Variants in CSMD3 observed in about 807,000 individuals in gnomAD.
The protein encoded by CSMD3 is CUB and sushi domain-containing protein 3.
Under a neutral mutation model 435.2 loss-of-function variants are expected in CSMD3, and 177 were observed. The observed-to-expected ratio is 0.41, with a 90% CI of 0.36 to 0.46. The LOEUF (loss-of-function observed/expected upper bound fraction) is 0.46, where lower values mean the gene tolerates loss of function less well. CSMD3 is among the 20% of genes least tolerant of loss of function. CSMD3 has a pLI of 0.34. For synonymous variants in CSMD3, 1,656 were observed against 1,520.5 expected, an observed-to-expected ratio of 1.09 and a Z score of -2.07; for missense variants, 4,265 against 4,504.6, an observed-to-expected ratio of 0.95 and a Z score of 1.52.
chr8:113,183,346 C>T (rs2092450531), intron 3 of CSMD3, among the ~76,000 whole-genome samples: 1 of 151,952 alleles, frequency 6.6e-6, no homozygotes, highest in Non-Finnish European at 1.5e-5. Flanking sequence ...TAAAACCACC[C>T]CTGAAAACTT....
chr8:112,479,397 T>G (rs572839841), intron 31 of CSMD3, among the ~76,000 whole-genome samples: 1 of 152,216 alleles, frequency 6.6e-6, no homozygotes, highest in Non-Finnish European at 1.5e-5. Context: ...AGCAATCACT[T>G]GCTAGAGAAA....
At chr8:112,483,548 G>T (rs937768167) in intron 31 of CSMD3, among the ~76,000 whole-genome samples, 1 of 152,146 alleles carries the variant, frequency 6.6e-6, no homozygotes, top group African/African-American at 2.4e-5. Flanking sequence ...TACTGACTGA[G>T]TAGCCTTAGG....
chr8:113,015,943 T>G (rs2086440674), intron 6 of CSMD3, among the ~76,000 whole-genome samples: 1 of 151,990 alleles, frequency 6.6e-6, no homozygotes, highest in East Asian at 1.9e-4. Flanking sequence ...AGGTGAGAAG[T>G]AGCACAATCC....
chr8:112,240,288 T>G (rs1813995009), intron 66 of CSMD3, among the ~76,000 whole-genome samples: 1 of 152,092 alleles, frequency 6.6e-6, no homozygotes, highest in Non-Finnish European at 1.5e-5. Flanking sequence ...AGCAATTTTT[T>G]TACAGATTTG....
intron 13 of CSMD3, among the ~76,000 whole-genome samples, chr8:112,752,623 T>G (rs1449169333): frequency 6.6e-6 from 1 of 152,116 alleles, no homozygotes; most frequent in African/African-American, 2.4e-5. Flanking sequence ...GTCTTAAATA[T>G]TCATTCTGAA....
rs16884129 is a variant in CSMD3 at position 112,818,499 on chromosome 8, G to C, written c.1859+11187C>G. Among the ~76,000 whole-genome samples, 980 of 152,286 alleles carry C rather than the reference G, an allele frequency of 6.4e-3. 19 individuals carry two copies. In the East Asian group the frequency reaches 0.075, roughly 12 times the overall value. ...AAAGCAAAAAGGAATTCACAGACAA[G>C]TAAAGAGATTGCTGAATAAAATGTC... is the stretch of plus-strand genomic sequence containing the variant. On this transcript the variant is annotated intron_variant, in intron 12 of 70. Transcript: ENST00000297405.
At chr8:112,317,417 A>G (rs1822576365) in intron 47 of CSMD3, among the ~76,000 whole-genome samples, 1 of 152,038 alleles carries the variant, frequency 6.6e-6, no homozygotes, top group African/African-American at 2.4e-5. Flanking sequence ...AAATGCTGTT[A>G]TGTAATTGGC....
chr8:112,355,364 C>A (rs947433752), intron 38 of CSMD3, among the ~76,000 whole-genome samples: 4 of 152,122 alleles, frequency 2.6e-5, no homozygotes, highest in Non-Finnish European at 4.4e-5. Flanking sequence ...CCTAATTAAA[C>A]TACAGAGTTT....
At chr8:112,338,562 G>A (rs1260000609) in intron 42 of CSMD3, among the ~76,000 whole-genome samples, 1 of 151,962 alleles carries the variant, frequency 6.6e-6, no homozygotes, top group Admixed American at 6.6e-5. Flanking sequence ...GAAAATCAAA[G>A]ACTACTTCTC....
chr8:112,598,680 A>T (rs1832006254), intron 22 of CSMD3, among the ~76,000 whole-genome samples: 1 of 149,764 alleles, frequency 6.7e-6, no homozygotes, highest in Non-Finnish European at 1.5e-5. Context: ...GATATAGATC[A>T]ATGGAACAGA....
At chr8:112,279,226 T>C (rs1818393760) in intron 59 of CSMD3, among the ~76,000 whole-genome samples, 1 of 152,214 alleles carries the variant, frequency 6.6e-6, no homozygotes, top group Admixed American at 6.5e-5. Flanking sequence ...TTCTGATATG[T>C]AGTACTTGAA....
chr8:113,108,714 T>A (rs1349304052), intron 4 of CSMD3, among the ~76,000 whole-genome samples: 1 of 152,116 alleles, frequency 6.6e-6, no homozygotes, highest in Non-Finnish European at 1.5e-5. Context: ...ATTTTTAAAA[T>A]ACCATTTTTA....
At chr8:112,990,658 A>G (rs955148178) in intron 6 of CSMD3, among the ~76,000 whole-genome samples, 7 of 151,982 alleles carry the variant, frequency 4.6e-5, no homozygotes, top group African/African-American at 1.7e-4. Flanking sequence ...GTTAGTTTCT[A>G]GGAATTAAAG....
intron 13 of CSMD3, among the ~76,000 whole-genome samples, chr8:112,699,201 A>G (rs911174630): frequency 6.6e-6 from 1 of 152,134 alleles, no homozygotes; most frequent in Non-Finnish European, 1.5e-5. Context: ...TCGGGTCCGC[A>G]GTACCTTTAA....
At chr8:112,644,005 G>T (rs1454732434) in intron 20 of CSMD3, among the ~76,000 whole-genome samples, 5 of 150,510 alleles carry the variant, frequency 3.3e-5, no homozygotes, top group African/African-American at 1.2e-4. Context: ...TCTTTTTTTA[G>T]ATTTTCTATA....
At chr8:113,302,574 C>T (rs150211122) in intron 2 of CSMD3, among the ~76,000 whole-genome samples, 4,313 of 151,514 alleles carry the variant, frequency 0.028, 86 homozygotes, top group Non-Finnish European at 0.04. Flanking sequence ...TTACTAAAAA[C>T]ATTTACATTT....
intron 2 of CSMD3, among the ~76,000 whole-genome samples, chr8:113,285,734 A>T (rs1358437803): frequency 6.6e-6 from 1 of 152,218 alleles, no homozygotes; most frequent in Admixed American, 6.5e-5. Flanking sequence ...TGACCAATAA[A>T]GTATTAAACT....
At chr8:112,808,431 T>C (rs1370660508) in intron 12 of CSMD3, among the ~76,000 whole-genome samples, 1 of 152,102 alleles carries the variant, frequency 6.6e-6, no homozygotes, top group Non-Finnish European at 1.5e-5. Flanking sequence ...TTCCTTCACT[T>C]GCAGCCCCTT....
chr8:112,725,758 G>C (rs1374645922), intron 13 of CSMD3, among the ~76,000 whole-genome samples: 1 of 151,732 alleles, frequency 6.6e-6, no homozygotes, highest in South Asian at 2.1e-4. Flanking sequence ...TGACTCAAAC[G>C]GAAGTTATGA....
Sources: allele counts gnomAD v4.1 joint callset (sites outside exome capture counted in the v4.1 genomes callset), GRCh38; gene constraint gnomAD v4.1.1; transcripts MANE v1.5; gene names NCBI Gene and HGNC (gene_info 2026-07-23, HGNC 2026-07-21).